Variants in ENTREP2 observed in about 807,000 individuals in gnomAD.
ENTREP2 encodes the protein endosomal transmembrane epsin interactor 2, also known as protein ENTREP2.
the ENTREP2 span, among the ~76,000 whole-genome samples, chr15:29,568,408 TA>T: frequency 1.3e-5 from 2 of 152,142 alleles, no homozygotes; most frequent in African/African-American, 4.8e-5. Context: ...TAACAGGTTA[TA>T]GGTCGGGCAC....
chr15:29,567,794 G>A, the ENTREP2 span, among the ~76,000 whole-genome samples: 6 of 152,182 alleles, frequency 3.9e-5, no homozygotes, highest in African/African-American at 1.2e-4. Context: ...TTAAATCCAG[G>A]AGAGTTGTTT....
chr15:29,212,831 T>C, the ENTREP2 span, among the ~76,000 whole-genome samples: 5 of 152,390 alleles, frequency 3.3e-5, no homozygotes, highest in South Asian at 1.0e-3. Context: ...TCTGTTGCCA[T>C]TACTTTTGGT....
chr15:29,368,496 C>T, the ENTREP2 span, among the ~76,000 whole-genome samples: 6 of 151,406 alleles, frequency 4.0e-5, no homozygotes, highest in Admixed American at 2.0e-4. Flanking sequence ...AGAACTAAAG[C>T]AAACTGTCTA....
At chr15:29,339,380 C>T in the ENTREP2 span, among the ~76,000 whole-genome samples, 4 of 152,150 alleles carry the variant, frequency 2.6e-5, no homozygotes, top group African/African-American at 7.2e-5. Flanking sequence ...GAACAGGTAA[C>T]CAGGTCTTTC....
chr15:29,285,159 TG>T, the ENTREP2 span, among the ~76,000 whole-genome samples: 1 of 151,984 alleles, frequency 6.6e-6, no homozygotes, highest in Non-Finnish European at 1.5e-5. Flanking sequence ...GACGCTGGAG[TG>T]GGGGCTCTTT....
the ENTREP2 span, among the ~76,000 whole-genome samples, chr15:29,224,515 C>G: frequency 3.3e-5 from 5 of 152,072 alleles, no homozygotes; most frequent in Admixed American, 2.0e-4. Flanking sequence ...GCTGATTGGT[C>G]CGCTTTGACA....
the ENTREP2 span, among the ~76,000 whole-genome samples, chr15:29,280,818 T>A: frequency 1.3e-5 from 2 of 152,226 alleles, no homozygotes; most frequent in Non-Finnish European, 2.9e-5. Context: ...CCCTTGAAGT[T>A]GGCAACACCA....
At chr15:29,286,154 C>G in the ENTREP2 span, among the ~76,000 whole-genome samples, 1 of 152,130 alleles carries the variant, frequency 6.6e-6, no homozygotes, top group Non-Finnish European at 1.5e-5. Context: ...GCCATCATCA[C>G]TTCATCATTT....
the ENTREP2 span, among the ~76,000 whole-genome samples, chr15:29,347,183 TTTC>T: frequency 1.3e-5 from 2 of 152,190 alleles, no homozygotes; most frequent in African/African-American, 4.8e-5. Context: ...CCTTTCTTTC[TTTC>T]TTTTTTGAGA....
chr15:29,297,742 C>T, the ENTREP2 span, among the ~76,000 whole-genome samples: 1 of 152,146 alleles, frequency 6.6e-6, no homozygotes, highest in Non-Finnish European at 1.5e-5. Flanking sequence ...AACACAGGAA[C>T]ATTTTGAACT....
the ENTREP2 span, among the ~76,000 whole-genome samples, chr15:29,481,251 G>A: frequency 6.6e-6 from 1 of 152,292 alleles, no homozygotes. Context: ...GTGTGCATAG[G>A]AATCCCATGG....
At chr15:29,201,893 T>C in the ENTREP2 span, among the ~76,000 whole-genome samples, 1,073 of 152,302 alleles carry the variant, frequency 7.0e-3, 15 homozygotes, top group African/African-American at 0.025. Context: ...AGTGAAACCA[T>C]CTGGACCTGG....
At chr15:29,561,280 G>A in the ENTREP2 span, among the ~76,000 whole-genome samples, 6 of 151,900 alleles carry the variant, frequency 3.9e-5, no homozygotes, top group Non-Finnish European at 8.8e-5. Context: ...TATGAATGAA[G>A]AAATATCTGC....
chr15:29,654,850 T>C, the ENTREP2 span, among the ~76,000 whole-genome samples: 1 of 152,106 alleles, frequency 6.6e-6, no homozygotes, highest in South Asian at 2.1e-4. Context: ...GCTGGATCAA[T>C]GAGAGTTCCT....
At chr15:29,540,871 A>C in the ENTREP2 span, among the ~76,000 whole-genome samples, 1 of 152,262 alleles carries the variant, frequency 6.6e-6, no homozygotes, top group Non-Finnish European at 1.5e-5. Context: ...GCTATCTTAA[A>C]ATAAATGAAA....
At chr15:29,666,406 T>TC in the ENTREP2 span, among the ~76,000 whole-genome samples, 1 of 148,904 alleles carries the variant, frequency 6.7e-6, no homozygotes, top group Non-Finnish European at 1.5e-5. Context: ...TCATTACACC[T>TC]CCCCCCACTC....
At chr15:29,171,701 G>T in the ENTREP2 span, among the ~76,000 whole-genome samples, 1 of 152,068 alleles carries the variant, frequency 6.6e-6, no homozygotes, top group African/African-American at 2.4e-5. Flanking sequence ...AACTAAATCA[G>T]TCACTGGTTA....
the ENTREP2 span, among the ~76,000 whole-genome samples, chr15:29,624,221 A>T: frequency 6.6e-6 from 1 of 152,246 alleles, no homozygotes; most frequent in East Asian, 1.9e-4. Context: ...CCATTCTCTC[A>T]TTTCTTACGA....
chr15:29,457,192 T>C, the ENTREP2 span, among the ~76,000 whole-genome samples: 12 of 152,340 alleles, frequency 7.9e-5, no homozygotes, highest in East Asian at 2.3e-3. Context: ...CAGGGGAAGA[T>C]GCCTGAGAGG....
Sources: gnomAD v4.1 joint callset for allele counts (sites outside exome capture counted in the v4.1 genomes callset) on GRCh38, gnomAD v4.1.1 for gene constraint, MANE v1.5 for transcripts, NCBI Gene and HGNC (gene_info 2026-07-23, HGNC 2026-07-21) for gene names.